The following ANXA6 variants were observed in gnomAD, a reference collection of about 807,000 sequenced individuals.
The protein encoded by ANXA6 is annexin A6, also known as 67 kDa calelectrin.
In ANXA6, 71 loss-of-function variants were observed where a neutral mutation model predicts 95.4. The observed-to-expected ratio is 0.74, with a 90% CI of 0.61 to 0.91. ANXA6 has a LOEUF of 0.91. ANXA6 is among the 40% of genes least tolerant of loss of function. The pLI is 0.00. For missense variants in ANXA6, 830 were observed against 876.4 expected (o/e 0.95, Z 0.67); for synonymous variants, 289 against 315.9 (o/e 0.91, Z 0.90).
chr5:151,101,549 C>T (rs1206509707), intron 25 of ANXA6, 42 bp from the exon 26 acceptor site: 1 of 1,517,814 alleles, frequency 6.6e-7, no homozygotes, highest in African/African-American at 1.4e-5. Context: ...ACAGTCCTTC[C>T]AGTCTCAATG....
intron 5 of ANXA6, 38 bp from the exon 6 acceptor site, chr5:151,137,359 G>A (rs765303141): frequency 1.2e-5 from 19 of 1,552,624 alleles, no homozygotes; most frequent in Non-Finnish European, 1.6e-5. Flanking sequence ...TAAGGGCAGG[G>A]ATGGGAGGTC....
At chr5:151,139,178 G>A (rs1765754366) in intron 4 of ANXA6, 175 bp downstream of exon 4, 1 of 599,354 alleles carries the variant, frequency 1.7e-6, no homozygotes, top group South Asian at 2.0e-5. Context: ...AGGTGCTGTG[G>A]GTGTATTAAA....
At chr5:151,153,746 C>G (rs1050391981) in intron 1 of ANXA6, among the ~76,000 whole-genome samples, 1 of 152,178 alleles carries the variant, frequency 6.6e-6, no homozygotes, top group African/African-American at 2.4e-5. Flanking sequence ...TGATTTCCCA[C>G]CCCCTCAGGT....
In ANXA6 at chr5:151,136,268, C is replaced by T. The variant is rs1322215275; in HGVS notation, c.477G>A (p.Val159=). 1 of 1,613,966 alleles carries T rather than the reference C, an allele frequency of 6.2e-7. No homozygotes were observed. Residue 159 remains valine (V), a synonymous_variant, in exon 7 of 26, where the codon GTG becomes GTA. Coordinates refer to ENST00000354546, the MANE Select transcript of ANXA6 (RefSeq NM_001155.5). ...GCTGTGAACCAACCTGGAGCAGGAC[C>T]ACAAGCATCTTCTGGAAGTGGCCAG... The part of the protein sequence containing the change: ...DTSGHFQKML[V]VLLQGTREED...
At chr5:151,128,453 G>T in intron 12 of ANXA6, 1 of 541,100 alleles carries the variant, frequency 1.8e-6, no homozygotes. Flanking sequence ...CTATTTCTGT[G>T]GTGTAAATAC....
At chr5:151,143,024 C>T (rs752062244) in intron 2 of ANXA6, among the ~76,000 whole-genome samples, 6 of 152,170 alleles carry the variant, frequency 3.9e-5, no homozygotes, top group East Asian at 1.9e-4. Context: ...GTCCCTCCCA[C>T]GGCTCACTTG....
intron 20 of ANXA6, among the ~76,000 whole-genome samples, chr5:151,115,683 G>C (rs1025803400): frequency 1.3e-5 from 2 of 152,238 alleles, no homozygotes; most frequent in East Asian, 3.8e-4. Context: ...TGAATGAAAT[G>C]TGGCCTCAGC....
At chr5:151,140,290 C>T (rs1403095474) in intron 2 of ANXA6, 47 bp from the exon 3 acceptor site, 1 of 1,544,162 alleles carries the variant, frequency 6.5e-7, no homozygotes, top group Non-Finnish European at 8.9e-7. Context: ...CGGACTGAGA[C>T]CAAGCTCCCA....
At position 151,122,774 on chromosome 5, in the gene ANXA6, C is replaced by T. The variant is rs528778533; in HGVS notation, c.1233+143G>A. 2.1e-4 allele frequency: 146 copies of T among 684,816 alleles called. 1 individual carries two copies. The South Asian group carries it at 2.5e-3, about 12-fold the overall frequency. The allele number at this position is 684,816 out of a possible 1,614,324, so 42.4% of individuals were successfully genotyped here. The stretch of plus-strand genomic sequence containing the variant: ...GTCTGCCCAAACCCAGTGCTGGAGA[C>T]ACTCTGAGATCATATGACCACACAG... On this transcript the variant is annotated intron_variant, in intron 16 of 25. Coordinates refer to ENST00000354546, the MANE Select transcript of ANXA6 (RefSeq NM_001155.5).
At chr5:151,120,845 A>G (rs1765148109) in intron 17 of ANXA6, among the ~76,000 whole-genome samples, 1 of 152,200 alleles carries the variant, frequency 6.6e-6, no homozygotes, top group South Asian at 2.1e-4. Flanking sequence ...ATCTTCAATC[A>G]TTTCTTTGTT....
chr5:151,108,529 A>T lies in ANXA6; in HGVS notation c.1706T>A (p.Met569Lys). Reference protein sequence around the residue: ...LRRVFQEFIKMTNYDVEHTIK... With the variant: ...LRRVFQEFIKKTNYDVEHTIK... ...GGTGTGCTCCACGTCATAGTTGGTCATCTTGATGAACTCCTGGAAGACTGG... is the reference window on the plus strand; with the variant it reads ...GGTGTGCTCCACGTCATAGTTGGTCTTCTTGATGAACTCCTGGAAGACTGG... The change falls in exon 23 of 26, where the codon ATG becomes AAG. Residue 569 changes from methionine (M) to lysine (K), a missense_variant. Met to Lys is a moderately conservative substitution (Grantham distance 95). Coordinates refer to ENST00000354546, the MANE Select transcript of ANXA6 (RefSeq NM_001155.5). 1 of 1,613,950 alleles carries T rather than the reference A, an allele frequency of 6.2e-7. No homozygotes were observed. Among genetic ancestry groups the T allele is most frequent in the Non-Finnish European group, 8.5e-7 (1 of 1,179,862 alleles).
chr5:151,119,038 G>A (rs756223801), intron 18 of ANXA6, among the ~76,000 whole-genome samples: 11 of 152,248 alleles, frequency 7.2e-5, no homozygotes, highest in South Asian at 2.1e-4. Context: ...CCCTAGAGTC[G>A]CCCTCCCTCT....
intron 4 of ANXA6, chr5:151,139,039 T>TC (rs1765750594): frequency 3.4e-6 from 2 of 594,042 alleles, no homozygotes; most frequent in African/African-American, 3.7e-5. Context: ...CTGTGCCACT[T>TC]CCCCACCACT....
intron 25 of ANXA6, among the ~76,000 whole-genome samples, chr5:151,102,066 C>T (rs1376972601): frequency 6.6e-6 from 1 of 152,226 alleles, no homozygotes; most frequent in East Asian, 1.9e-4. Context: ...TGGGTACAAA[C>T]ACCATCACGC....
chr5:151,116,400 G>A (rs1173028760), intron 20 of ANXA6, among the ~76,000 whole-genome samples: 1 of 152,146 alleles, frequency 6.6e-6, no homozygotes, highest in Non-Finnish European at 1.5e-5. Context: ...CAGGTCAGTG[G>A]GGGACAATGC....
intron 20 of ANXA6, among the ~76,000 whole-genome samples, chr5:151,112,437 G>A (rs1423235876): frequency 2.6e-5 from 4 of 152,166 alleles, no homozygotes; most frequent in African/African-American, 9.7e-5. Context: ...TCTTAAAGAT[G>A]CAAAGATATT....
intron 21 of ANXA6, 149 bp downstream of exon 21, chr5:151,110,478 T>C (rs923725911): frequency 6.1e-6 from 5 of 818,198 alleles, no homozygotes; most frequent in Non-Finnish European, 9.7e-6. Flanking sequence ...TTGCCTGGCC[T>C]ATCTTTTACC....
chr5:151,117,237 T>C, intron 19 of ANXA6, 57 bp from the exon 20 acceptor site: 1 of 1,508,162 alleles, frequency 6.6e-7, no homozygotes. Context: ...TCTCCATCTC[T>C]GTACCACCAC....
intron 20 of ANXA6, among the ~76,000 whole-genome samples, chr5:151,113,034 A>C (rs1204596762): frequency 6.6e-6 from 1 of 152,130 alleles, no homozygotes; most frequent in Non-Finnish European, 1.5e-5. Flanking sequence ...CATGACGAAA[A>C]CAGTTTTGGA....
Sources: gnomAD v4.1 joint callset for allele counts (sites outside exome capture counted in the v4.1 genomes callset) on GRCh38, gnomAD v4.1.1 for gene constraint, MANE v1.5 for transcripts, NCBI Gene and HGNC (gene_info 2026-07-23, HGNC 2026-07-21) for gene names.